CASP2: variants seen among roughly 807,000 people sequenced by gnomAD.
CASP2 encodes caspase-2.
CASP2 carries 38 observed loss-of-function variants against 54.4 expected under a neutral mutation model. That is an observed-to-expected ratio of 0.70 (90% CI 0.54 to 0.92). The LOEUF (loss-of-function observed/expected upper bound fraction) is 0.92, where lower values mean the gene tolerates loss of function less well. CASP2 is among the 40% of genes least tolerant of loss of function. The probability of loss-of-function intolerance (pLI) is 0.00; values close to 1 mark genes in which losing one functional copy is unlikely to be tolerated. For missense variants in CASP2, 512 were observed against 579.6 expected, an observed-to-expected ratio of 0.88 and a Z score of 1.20; for synonymous variants, 215 against 216.3, an observed-to-expected ratio of 0.99 and a Z score of 0.05.
At chr7:143,293,130 G>GTTTTTT in intron 4 of CASP2, 1 of 424,684 alleles carries the variant, frequency 2.4e-6, no homozygotes, top group South Asian at 3.6e-5. Context: ...TTTTTTTTTT[G>GTTTTTT]TTGTGTTTTT....
Position 143,305,171 on chromosome 7 carries a change from C to A in CASP2, c.*100C>A, listed in dbSNP as rs71528907. ...GGATGCACGGTTTCTGTTCTGCCCC[C>A]TCAGGGATGTGGGAATCTCCCAGAC... On this transcript the variant is annotated 3_prime_UTR_variant, in exon 11 of 11. Transcript: ENST00000310447. 6.8e-7 allele frequency: 1 copy of A among 1,469,760 alleles called. No individual in the cohort carries two copies. The highest frequency in any genetic ancestry group is 9.4e-7 in the Non-Finnish European group (1 of 1,058,384). 91.0% of individuals were successfully genotyped at this position (1,469,760 alleles called of 1,614,324 possible).
rs1479182130 is a variant in CASP2 at position 143,307,245 on chromosome 7, G to A, written c.*2174G>A. The A allele has an allele frequency of 6.6e-6, 1 of 152,188 alleles. No homozygotes were observed. The highest frequency in any genetic ancestry group is 2.4e-5 in the African/African-American group (1 of 41,446). 9.4% of individuals were successfully genotyped at this position (152,188 alleles called of 1,614,324 possible). A position where few individuals can be genotyped will look rare whatever the true frequency, so the allele number is the denominator to read the frequency against. ...GTAAATGAGGGCAGAAACCTTGTTT[G>A]TTTTATTCACCATCATGTACCAAGT... On this transcript the variant is annotated 3_prime_UTR_variant, in exon 11 of 11. Transcript: ENST00000310447.
Position 143,288,387 on chromosome 7 carries a change from G to C in CASP2, c.-69G>C. On this transcript the variant is annotated 5_prime_UTR_variant, in exon 1 of 11. Transcript: ENST00000310447. ...CCGCGTCTGAGGGGAGGGATGTGGG[G>C]GAAGCGACGGCCCCCGGTTTGTTTG... is the stretch of plus-strand genomic sequence containing the variant. 1 of 1,502,290 alleles carries C rather than the reference G, an allele frequency of 6.7e-7. No homozygotes were observed. Among genetic ancestry groups the C allele is most frequent in the East Asian group, 2.3e-5 (1 of 43,518 alleles). The allele number at this position is 1,502,290 out of a possible 1,614,324, so 93.1% of individuals were successfully genotyped here. A position where few individuals can be genotyped will look rare whatever the true frequency, so the allele number is the denominator to read the frequency against.
chr7:143,304,058 T>G, intron 9 of CASP2, 125 bp downstream of exon 9: 1 of 1,010,088 alleles, frequency 9.9e-7, no homozygotes, highest in East Asian at 2.6e-5. Flanking sequence ...TTTCAGATTT[T>G]GGATTTTTTT....
Position 143,291,615 on chromosome 7 carries a change from G to C in CASP2, c.150G>C (p.Gln50His), listed in dbSNP as rs937194653. 6 of 1,613,862 alleles carry C rather than the reference G, an allele frequency of 3.7e-6. No homozygotes were observed. Among genetic ancestry groups the C allele is most frequent in the Non-Finnish European group, 5.1e-6 (6 of 1,179,944 alleles). ...AGAACCGAGTGGTGCTAGCCAAACA[G>C]CTGTTGTTGAGCGAATTGTTAGAAC... ...LKKNRVVLAK[Q>H]LLLSELLEHL... The change falls in exon 2 of 11, where the codon CAG becomes CAC. Residue 50 changes from glutamine to histidine, a missense_variant. By Grantham distance (24) the Gln-to-His change is conservative. Around this residue, in one of 3 missense-constraint regions of CASP2, gnomAD observed 89 missense variants for 67.1 expected, o/e 1.33. Coordinates refer to ENST00000310447, the MANE Select transcript of CASP2 (RefSeq NM_032982.4).
At chr7:143,296,256 A>C (rs1433906005) in intron 6 of CASP2, among the ~76,000 whole-genome samples, 1 of 152,178 alleles carries the variant, frequency 6.6e-6, no homozygotes, top group Non-Finnish European at 1.5e-5. Flanking sequence ...TCTTTGGTTG[A>C]ATTGCTCTGT....
In CASP2 at chr7:143,303,812, A is replaced by G. The variant is rs1216504450; in HGVS notation, c.996A>G (p.Gln332=). The change falls in exon 9 of 11, where the codon CAA becomes CAG. Residue 332 remains glutamine, a synonymous_variant. Coordinates refer to ENST00000310447, the MANE Select transcript of CASP2 (RefSeq NM_032982.4). The stretch of plus-strand genomic sequence containing the variant: ...AGACTGATCGTGGGGTTGACCAACA[A>G]GATGGAAAGAACCACGCAGGATCCC... The part of the protein sequence containing the change: ...GDETDRGVDQ[Q]DGKNHAGSPG... 1 of 1,613,926 alleles carries G rather than the reference A, an allele frequency of 6.2e-7. No individual in the cohort carries two copies. Among genetic ancestry groups the G allele is most frequent in the African/African-American group, 1.3e-5 (1 of 74,906 alleles).
At position 143,294,309 on chromosome 7, in the gene CASP2, A is replaced by G. The variant is rs1368374245; in HGVS notation, c.555A>G (p.Gln185=). 1.2e-6 allele frequency: 2 copies of G among 1,608,392 alleles called. No individual in the cohort carries two copies. Among genetic ancestry groups the G allele is most frequent in the African/African-American group, 1.3e-5 (1 of 74,940 alleles). ...QVKPCTPEFY[Q]THFQLAYRLQ... is the part of the protein sequence containing the mutation. ...AGCCTTGCACTCCTGAATTTTATCA[A>G]ACACACTTCCAGCTGGTGAGTTTTT... is the stretch of plus-strand genomic sequence containing the variant. The change falls in exon 5 of 11, where the codon CAA becomes CAG. Residue 185 remains glutamine (Q), a synonymous_variant. Transcript: ENST00000310447.
intron 2 of CASP2, among the ~76,000 whole-genome samples, chr7:143,291,938 CT>C (rs1033140114): frequency 9.2e-5 from 14 of 151,980 alleles, no homozygotes; most frequent in African/African-American, 3.4e-4. Flanking sequence ...GCCACCATGC[CT>C]GGCTAATTTT....
At chr7:143,298,288 T>C (rs1358386808) in intron 6 of CASP2, among the ~76,000 whole-genome samples, 2 of 152,248 alleles carry the variant, frequency 1.3e-5, no homozygotes, top group Non-Finnish European at 2.9e-5. Flanking sequence ...GATAACTTAC[T>C]TATTTTCATT....
rs764648518 is a variant in CASP2, at chr7:143,292,351, A to G, written c.277A>G (p.Lys93Glu). 3 of 1,614,180 alleles carry G rather than the reference A, an allele frequency of 1.9e-6. No homozygotes were observed. Among genetic ancestry groups the G allele is most frequent in the Non-Finnish European group, 2.5e-6 (3 of 1,180,010 alleles). The change falls in exon 3 of 11, where the codon AAG becomes GAG. Residue 93 changes from lysine to glutamate, a missense_variant. Around this residue, in one of 3 missense-constraint regions of CASP2, gnomAD observed 417 missense variants for 495.4 expected, o/e 0.84. Coordinates refer to ENST00000310447, the MANE Select transcript of CASP2 (RefSeq NM_032982.4). ...QNVELLNLLP[K>E]RGPQAFDAFC... ...TGTGGAACTCCTCAACTTGCTGCCT[A>G]AGAGGGGTCCCCAAGCTTTTGATGC...
chr7:143,297,225 TA>T, intron 6 of CASP2, among the ~76,000 whole-genome samples: 1 of 152,360 alleles, frequency 6.6e-6, no homozygotes, highest in East Asian at 1.9e-4. Context: ...AGAAGTACTG[TA>T]ATTTTATCAA....
rs756033852 is a variant in CASP2, at chr7:143,304,946, G to A, written c.1234G>A (p.Ala412Thr). ...ATTGGTTCTGCCCCTCCAGGTGAAC[G>A]CACTTATCAAGGATCGGGAAGGTTA... ...HVADMLVKVN[A>T]LIKDREGYAP... The change falls in exon 11 of 11, where the codon GCA (alanine) becomes ACA (threonine). Residue 412 changes from alanine to threonine, a missense_variant. Around this residue, in one of 3 missense-constraint regions of CASP2, gnomAD observed 417 missense variants for 495.4 expected, o/e 0.84. Coordinates refer to ENST00000310447, the MANE Select transcript of CASP2 (RefSeq NM_032982.4). 2 of 1,614,056 alleles carry A rather than the reference G, an allele frequency of 1.2e-6. No homozygotes were observed. The highest frequency in any genetic ancestry group is 1.7e-5 in the Admixed American group (1 of 60,000).
At chr7:143,303,587 C>G (rs999374710) in intron 8 of CASP2, 197 bp from the exon 9 acceptor site, 1 of 521,952 alleles carries the variant, frequency 1.9e-6, no homozygotes, top group African/African-American at 1.9e-5. Context: ...ATGAGGCATC[C>G]CCTGAGTAAC....
intron 8 of CASP2, chr7:143,301,023 A>G: frequency 1.5e-6 from 1 of 677,264 alleles, no homozygotes; most frequent in African/African-American, 2.0e-5. Flanking sequence ...GTGAAGTTAA[A>G]GAAGTTAAAT....
rs1252140974 is a variant in CASP2 at position 143,291,533 on chromosome 7, T to C, written c.75-7T>C. On this transcript the variant is annotated splice_region_variant and splice_polypyrimidine_tract_variant and intron_variant, in intron 1 of 10. Transcript: ENST00000310447. ...TGACAGCCTTTCCTTCTACCGTTTA[T>C]CTGTAGGATATTGGGAGTGTGTGGC... 6.2e-7 allele frequency: 1 copy of C among 1,614,068 alleles called. No homozygotes were observed.
intron 2 of CASP2, 149 bp from the exon 3 acceptor site, chr7:143,292,151 C>T: frequency 1.3e-6 from 1 of 753,644 alleles, no homozygotes. Context: ...ATATATAACT[C>T]AAGAATAACA....
At chr7:143,300,772 A>G in intron 8 of CASP2, 7 of 1,184,058 alleles carry the variant, frequency 5.9e-6, no homozygotes, top group Non-Finnish European at 6.4e-6. Context: ...CTTTCTTCTT[A>G]CCATTCTTGG....
intron 2 of CASP2, 143 bp from the exon 3 acceptor site, chr7:143,292,151 CAAGAAT>C (rs1329111751): frequency 2.7e-6 from 2 of 753,526 alleles, no homozygotes; most frequent in African/African-American, 3.5e-5. Context: ...ATATATAACT[CAAGAAT>C]AACAGAAAGG....
Sources: gnomAD v4.1 joint callset for allele counts (sites outside exome capture counted in the v4.1 genomes callset) on GRCh38, gnomAD v4.1.1 for gene constraint, gnomAD v4.1.1 regional missense constraint, MANE v1.5 for transcripts, NCBI Gene and HGNC (gene_info 2026-07-23, HGNC 2026-07-21) for gene names.